The following ELFN1 variants were observed in gnomAD, a reference collection of about 807,000 sequenced individuals.
ELFN1 encodes the protein protein ELFN1.
In ELFN1, 6 loss-of-function variants were observed where a neutral mutation model predicts 7.6. The ratio of observed to expected loss-of-function variants is 0.79; its 90% CI spans 0.43 to 1.56. The LOEUF is 1.56. Among genes scored for constraint, ELFN1 ranks in the 40% most tolerant of loss-of-function variants. The pLI is 0.01. For synonymous variants in ELFN1, 657 were observed against 588.1 expected (o/e 1.12, Z -1.70); for missense variants, 1,169 against 1,232.2 (o/e 0.95, Z 0.77).
chr7:1,666,518 C>T (rs1232220412), upstream of ELFN1, among the ~76,000 whole-genome samples: 1 of 152,072 alleles, frequency 6.6e-6, no homozygotes, highest in East Asian at 1.9e-4. This position sits in a 1 kb window ranked among gnomAD's most constrained non-coding sequence, Gnocchi z 7.9. Flanking sequence ...GACAAACTTC[C>T]CTCCCCGACG....
chr7:1,727,969 C>A (rs1377729375), intron 3 of ELFN1, among the ~76,000 whole-genome samples: 4 of 152,140 alleles, frequency 2.6e-5, no homozygotes, highest in Non-Finnish European at 5.9e-5. Context: ...GGCCTTCTCT[C>A]CACCCTGTGT....
chr7:1,738,948 G>C (rs1780528730), intron 3 of ELFN1: 1 of 152,122 alleles, frequency 6.6e-6, no homozygotes, highest in Admixed American at 6.5e-5. Context: ...GAGGGCTCTT[G>C]GGGCAACGCT....
chr7:1,702,378 A>G (rs1583336591), intron 2 of ELFN1, among the ~76,000 whole-genome samples: 1 of 151,744 alleles, frequency 6.6e-6, no homozygotes, highest in East Asian at 1.9e-4. Flanking sequence ...AGCCGAGATT[A>G]CACCACTGCA....
rs1285420106 is a variant in ELFN1, at chr7:1,744,695, G to A, written c.99G>A (p.Glu33=). Reference sequence around the variant, plus strand: ...CCCGCGCAGACTGCTGGCTGATCGAGGGCGACAAGGGCTTCGTGTGGCTGG... The same window carrying A: ...CCCGCGCAGACTGCTGGCTGATCGAAGGCGACAAGGGCTTCGTGTGGCTGG... ...GLARADCWLI[E]GDKGFVWLAI... Residue 33 remains glutamate, a synonymous_variant, in exon 4 of 4, where the codon GAG becomes GAA. Coordinates refer to ENST00000424383, the MANE Select transcript of ELFN1 (RefSeq NM_001128636.4). 1.3e-6 allele frequency: 2 copies of A among 1,551,576 alleles called. No individual in the cohort carries two copies. The highest frequency in any genetic ancestry group is 1.7e-6 in the Non-Finnish European group (2 of 1,146,984).
chr7:1,745,379 G>C lies in ELFN1; in HGVS notation c.783G>C (p.Gly261=), dbSNP rs1202214628. Residue 261 remains glycine (G), a synonymous_variant, in exon 4 of 4, where the codon GGG becomes GGC. Coordinates refer to ENST00000424383, the MANE Select transcript of ELFN1 (RefSeq NM_001128636.4). The part of the protein sequence containing the change: ...TEDSYAAEVV[G]PPRPASGRSQ... ...ACTCGTACGCGGCTGAGGTGGTCGGGCCCCCACGTCCAGCATCCGGGCGCT... is the reference window on the plus strand; with the variant it reads ...ACTCGTACGCGGCTGAGGTGGTCGGCCCCCCACGTCCAGCATCCGGGCGCT... 7.1e-6 allele frequency: 11 copies of C among 1,538,806 alleles called. No individual in the cohort carries two copies. The highest frequency in any genetic ancestry group is 9.6e-6 in the Non-Finnish European group (11 of 1,145,862).
chr7:1,736,041 A>G (rs1033585223), intron 3 of ELFN1, among the ~76,000 whole-genome samples: 19 of 152,046 alleles, frequency 1.2e-4, no homozygotes, highest in African/African-American at 4.6e-4. Flanking sequence ...CGGGCCCCCC[A>G]CCTGCTCCTA....
intron 2 of ELFN1, among the ~76,000 whole-genome samples, chr7:1,689,491 ACTGAC>A (rs1479731195): frequency 2.0e-5 from 3 of 152,170 alleles, no homozygotes; most frequent in Non-Finnish European, 4.4e-5. Flanking sequence ...GGGATTGCAG[ACTGAC>A]CCTGTTCCCC....
At position 1,695,260 on chromosome 7, in the gene ELFN1, G is replaced by A. The variant is rs1213157301; in HGVS notation, c.-456+7110G>A. 6.6e-6 allele frequency among the ~76,000 whole-genome samples: 1 copy of A among 152,202 alleles called. No individual in the cohort carries two copies. The highest frequency in any genetic ancestry group is 1.5e-5 in the Non-Finnish European group (1 of 68,042). ...ACCCCAGGAAGTAGTAGCGTGCCAG[G>A]TGCGTGGCCGGCCTCCCAGCCCTTC... On this transcript the variant is annotated intron_variant, in intron 2 of 3. Coordinates refer to ENST00000424383, the MANE Select transcript of ELFN1 (RefSeq NM_001128636.4). This position sits in a 1 kb window ranked among gnomAD's most constrained non-coding sequence, Gnocchi z 5.1.
chr7:1,681,999 T>A (rs1419501915), intron 1 of ELFN1, among the ~76,000 whole-genome samples: 1 of 152,272 alleles, frequency 6.6e-6, no homozygotes, highest in African/African-American at 2.4e-5. Context: ...GTATATGTTC[T>A]GGATACAAGT....
chr7:1,688,211 G>A (rs1779094266), intron 2 of ELFN1, 61 bp downstream of exon 2: 1 of 151,702 alleles, frequency 6.6e-6, no homozygotes, highest in Non-Finnish European at 1.5e-5. Flanking sequence ...TATGTTTGTA[G>A]GAATTCTTTA....
chr7:1,745,399 G>A lies in ELFN1; in HGVS notation c.803G>A (p.Gly268Glu). The A allele has an allele frequency of 6.5e-7, 1 of 1,539,060 alleles. No homozygotes were observed. The highest frequency in any genetic ancestry group is 8.7e-7 in the Non-Finnish European group (1 of 1,145,916). ...EVVGPPRPAS[G>E]RSQPGRSPPP... ...GTCGGGCCCCCACGTCCAGCATCCGGGCGCTCACAGCCGGGCCGCTCCCCG... is the reference window on the plus strand; with the variant it reads ...GTCGGGCCCCCACGTCCAGCATCCGAGCGCTCACAGCCGGGCCGCTCCCCG... Residue 268 changes from glycine to glutamate, a missense_variant, in exon 4 of 4, where the codon GGG (glycine) becomes GAG (glutamate). By Grantham distance (98) the Gly-to-Glu change is moderately conservative. This residue lies in a region of ELFN1 where 914 missense variants were observed against 872.6 expected (regional missense o/e 1.05). Coordinates refer to ENST00000424383, the MANE Select transcript of ELFN1 (RefSeq NM_001128636.4).
upstream of ELFN1, among the ~76,000 whole-genome samples, chr7:1,668,094 T>C (rs1187094121): frequency 6.6e-6 from 1 of 152,072 alleles, no homozygotes; most frequent in Non-Finnish European, 1.5e-5. Context: ...TTGCGGGATC[T>C]CGCCTCCCAC....
At chr7:1,680,968 CT>C (rs1778965572) in intron 1 of ELFN1, among the ~76,000 whole-genome samples, 1 of 152,094 alleles carries the variant, frequency 6.6e-6, no homozygotes, top group African/African-American at 2.4e-5. Context: ...TCTCGAACTC[CT>C]GACCTCAGGT....
In ELFN1 at chr7:1,687,027, C is replaced by T. The variant is rs117064254; in HGVS notation, c.-548-1031C>T. ...GCCAGACGAGAGTCTGTGCCTTCTG[C>T]TTCAAATAAAATCAGCCCCTGACAG... On this transcript the variant is annotated intron_variant, in intron 1 of 3. Coordinates refer to ENST00000424383, the MANE Select transcript of ELFN1 (RefSeq NM_001128636.4). Among the ~76,000 whole-genome samples, 1,439 of 152,004 alleles carry T rather than the reference C, an allele frequency of 9.5e-3. 8 individuals carry two copies. Among genetic ancestry groups the T allele is most frequent in the Non-Finnish European group, 0.014 (942 of 67,996 alleles).
chr7:1,711,608 GA>G, intron 3 of ELFN1, among the ~76,000 whole-genome samples: 6 of 151,124 alleles, frequency 4.0e-5, no homozygotes, highest in African/African-American at 1.5e-4. Flanking sequence ...GAGAGAGAGA[GA>G]GAGAGAGAGA....
chr7:1,707,515 GC>G (rs1462607883), intron 2 of ELFN1, among the ~76,000 whole-genome samples: 1 of 152,218 alleles, frequency 6.6e-6, no homozygotes, highest in Non-Finnish European at 1.5e-5. Context: ...CCTGGGAGGG[GC>G]CTTGGGCAGG....
intron 1 of ELFN1, among the ~76,000 whole-genome samples, chr7:1,680,693 C>G (rs543642119): frequency 1.3e-5 from 2 of 151,870 alleles, no homozygotes; most frequent in African/African-American, 4.8e-5. Flanking sequence ...ACCCCCTACC[C>G]CACCCCCAGG....
intron 3 of ELFN1, among the ~76,000 whole-genome samples, chr7:1,719,015 G>A (rs2030643314): frequency 6.6e-6 from 1 of 152,098 alleles, no homozygotes; most frequent in Admixed American, 6.5e-5. Context: ...GGACCAGCCC[G>A]GAGCTGTCCA....
chr7:1,728,282 C>A (rs1423402476), intron 3 of ELFN1, among the ~76,000 whole-genome samples: 2 of 152,264 alleles, frequency 1.3e-5, no homozygotes, highest in Non-Finnish European at 2.9e-5. Flanking sequence ...GGGAGCCCAG[C>A]CCCGGCCTGC....
Sources: gnomAD v4.1 joint callset for allele counts (sites outside exome capture counted in the v4.1 genomes callset) on GRCh38, gnomAD v4.1.1 for gene constraint, gnomAD v4.1.1 regional missense constraint, Gnocchi (gnomAD v3.1) non-coding constraint, MANE v1.5 for transcripts, NCBI Gene and HGNC (gene_info 2026-07-23, HGNC 2026-07-21) for gene names.